The following ZMIZ1 variants were observed in gnomAD, a reference collection of about 807,000 sequenced individuals.
ZMIZ1 encodes the protein zinc finger MIZ domain-containing protein 1.
ZMIZ1 carries 17 observed loss-of-function variants against 113.9 expected under a neutral mutation model. The ratio of observed to expected loss-of-function variants is 0.15; its 90% CI spans 0.10 to 0.22. The LOEUF is 0.22. Among genes scored for constraint, ZMIZ1 ranks in the 10% least tolerant of loss-of-function variants. The pLI is 1.00. For synonymous variants in ZMIZ1, 607 were observed against 603.1 expected, an observed-to-expected ratio of 1.01 and a Z score of -0.09; for missense variants, 1,059 against 1,477.8, an observed-to-expected ratio of 0.72 and a Z score of 4.65.
chr10:79,115,127 A>G (rs1019300119), intron 1 of ZMIZ1, among the ~76,000 whole-genome samples: 6 of 152,232 alleles, frequency 3.9e-5, no homozygotes, highest in African/African-American at 9.6e-5. Context: ...CAGCACCCAC[A>G]GCACCACGTG....
chr10:79,150,638 C>T (rs540739402), intron 3 of ZMIZ1, among the ~76,000 whole-genome samples: 38 of 152,326 alleles, frequency 2.5e-4, no homozygotes, highest in South Asian at 6.2e-4. Context: ...GAGAGGCAGA[C>T]GCTCTGCCCA....
chr10:79,143,611 C>T (rs1845360251), intron 3 of ZMIZ1, among the ~76,000 whole-genome samples: 1 of 152,308 alleles, frequency 6.6e-6, no homozygotes, highest in South Asian at 2.1e-4. Context: ...TGAGAACTGG[C>T]AGTCCAGATG....
intron 8 of ZMIZ1, among the ~76,000 whole-genome samples, chr10:79,286,815 G>A (rs910359165): frequency 1.3e-5 from 2 of 152,248 alleles, no homozygotes; most frequent in Non-Finnish European, 2.9e-5. Context: ...GAGGTGATGA[G>A]GCAGCAGTTG....
intron 7 of ZMIZ1, among the ~76,000 whole-genome samples, chr10:79,218,853 A>G (rs1480239910): frequency 6.6e-6 from 1 of 152,068 alleles, no homozygotes; most frequent in Non-Finnish European, 1.5e-5. Context: ...ACTAAGAGAA[A>G]GGCAGTGATT....
intron 7 of ZMIZ1, among the ~76,000 whole-genome samples, chr10:79,235,406 C>T (rs926593769): frequency 6.6e-6 from 1 of 152,188 alleles, no homozygotes; most frequent in South Asian, 2.1e-4. Flanking sequence ...CCGAGGTGCT[C>T]GGGCTTGCTT....
At chr10:79,108,317 C>T (rs1243680546) in intron 1 of ZMIZ1, among the ~76,000 whole-genome samples, 1 of 152,088 alleles carries the variant, frequency 6.6e-6, no homozygotes, top group Non-Finnish European at 1.5e-5. Flanking sequence ...GGGACTCATC[C>T]GAGGTGGAGC....
At chr10:79,271,155 T>C (rs1482216813) in intron 7 of ZMIZ1, among the ~76,000 whole-genome samples, 1 of 152,170 alleles carries the variant, frequency 6.6e-6, no homozygotes, top group Non-Finnish European at 1.5e-5. Context: ...GCTCATCTAC[T>C]CAGGGCCCCC....
chr10:79,231,677 C>T (rs1349648226), intron 7 of ZMIZ1, among the ~76,000 whole-genome samples: 1 of 152,142 alleles, frequency 6.6e-6, no homozygotes, highest in Admixed American at 6.5e-5. Flanking sequence ...CTCTCGTGTT[C>T]AAGTAATTCT....
chr10:79,122,066 G>T (rs1473840028), intron 2 of ZMIZ1, among the ~76,000 whole-genome samples: 1 of 152,158 alleles, frequency 6.6e-6, no homozygotes, highest in Non-Finnish European at 1.5e-5. Flanking sequence ...TTCTAAGCTT[G>T]TGGCCCTGTG....
chr10:79,279,208 G>C (rs1004055789), intron 8 of ZMIZ1, among the ~76,000 whole-genome samples: 1 of 151,632 alleles, frequency 6.6e-6, no homozygotes, highest in Non-Finnish European at 1.5e-5. Context: ...CTTCCCGGAC[G>C]GGGCGGCTGC....
intron 7 of ZMIZ1, among the ~76,000 whole-genome samples, chr10:79,218,060 G>A (rs535183306): frequency 1.3e-5 from 2 of 152,346 alleles, no homozygotes; most frequent in South Asian, 4.1e-4. Flanking sequence ...ATAGTCCAGA[G>A]CAGGGGCCAC....
chr10:79,206,467 C>A (rs1396137591), intron 5 of ZMIZ1, among the ~76,000 whole-genome samples: 1 of 152,190 alleles, frequency 6.6e-6, no homozygotes, highest in Non-Finnish European at 1.5e-5. Context: ...TGGCTTTCCA[C>A]GTGCAGCCTA....
chr10:79,291,483 T>C (rs118150783), intron 10 of ZMIZ1, among the ~76,000 whole-genome samples: 3,261 of 152,350 alleles, frequency 0.021, 57 homozygotes, highest in African/African-American at 0.047. Flanking sequence ...TAGGAAAATA[T>C]TGAGAAAATC....
At position 79,311,029 on chromosome 10, in the gene ZMIZ1, GCTCCTCCTC is replaced by G. The variant is rs759108983; in HGVS notation, c.2950_2958del (p.Pro984_Pro986del). On this transcript the variant is annotated inframe_deletion, in exon 24 of 25. Coordinates refer to ENST00000334512, the MANE Select transcript of ZMIZ1 (RefSeq NM_020338.4). ...AGGGCCTCCATTACATCACAGTGGGGCTCCTCCTCCTCCTCCTTCCCAGCCTCCCCGGCA... is the reference window on the plus strand; with the variant it reads ...AGGGCCTCCATTACATCACAGTGGGGCTCCTCCTTCCCAGCCTCCCCGGCA... The G allele has an allele frequency of 1.2e-6, 2 of 1,613,564 alleles. No individual in the cohort carries two copies. The highest frequency in any genetic ancestry group is 4.5e-5 in the East Asian group (2 of 44,864).
intron 8 of ZMIZ1, among the ~76,000 whole-genome samples, chr10:79,289,014 G>T (rs932668774): frequency 6.6e-6 from 1 of 152,180 alleles, no homozygotes; most frequent in Non-Finnish European, 1.5e-5. Flanking sequence ...AGCCAAAGCG[G>T]GGTGAGGGAA....
chr10:79,275,324 G>A (rs1383370941), intron 7 of ZMIZ1, among the ~76,000 whole-genome samples: 3 of 152,206 alleles, frequency 2.0e-5, no homozygotes, highest in Non-Finnish European at 4.4e-5. Context: ...ACCCCACGGA[G>A]GGGGGCAGGA....
At position 79,254,124 on chromosome 10, in the gene ZMIZ1, G is replaced by C. The variant is rs1423935671; in HGVS notation, c.281-23057G>C. Among the ~76,000 whole-genome samples the C allele has an allele frequency of 3.3e-5, 5 of 152,236 alleles. No individual in the cohort carries two copies. The East Asian group carries it at 7.7e-4, about 23-fold the overall frequency. On this transcript the variant is annotated intron_variant, in intron 7 of 24. Coordinates refer to ENST00000334512, the MANE Select transcript of ZMIZ1 (RefSeq NM_020338.4). The stretch of plus-strand genomic sequence containing the variant: ...AAGCTGAATCCTAGAACTCCAATTA[G>C]GAGTGATTGTTCCACTTCTGAGGTT...
At chr10:79,194,606 C>T (rs1377822162) in intron 4 of ZMIZ1, among the ~76,000 whole-genome samples, 1 of 152,176 alleles carries the variant, frequency 6.6e-6, no homozygotes, top group African/African-American at 2.4e-5. Flanking sequence ...CTTGGCAGCC[C>T]AGAGATATCC....
At chr10:79,279,325 G>A (rs1326994902) in intron 8 of ZMIZ1, among the ~76,000 whole-genome samples, 8 of 151,138 alleles carry the variant, frequency 5.3e-5, no homozygotes, top group Non-Finnish European at 8.9e-5. Context: ...GTTCCCAGAC[G>A]GGGTCGCGGC....
Sources: gnomAD v4.1 joint callset for allele counts (sites outside exome capture counted in the v4.1 genomes callset) on GRCh38, gnomAD v4.1.1 for gene constraint, MANE v1.5 for transcripts, NCBI Gene and HGNC (gene_info 2026-07-23, HGNC 2026-07-21) for gene names.